HIP1: variants seen among roughly 807,000 people sequenced by gnomAD.
The protein encoded by HIP1 is huntingtin interacting protein 1.
A neutral mutation model predicts 147.6 loss-of-function variants in HIP1; 65 were observed. The ratio of observed to expected loss-of-function variants is 0.44; its 90% CI spans 0.36 to 0.54. HIP1 has a LOEUF of 0.54. HIP1 is among the 20% of genes least tolerant of loss of function. HIP1 has a pLI of 0.00. For missense variants in HIP1, 1,061 were observed against 1,299.6 expected (o/e 0.82, Z 2.82); for synonymous variants, 479 against 504.0 (o/e 0.95, Z 0.67).
At position 75,664,017 on chromosome 7, in the gene HIP1, CACATATATGTGTATATAT is replaced by C. The variant is rs1799424370; in HGVS notation, c.121-64788_121-64771del. Among the ~76,000 whole-genome samples the C allele has an allele frequency of 8.4e-5, 6 of 71,502 alleles. 2 individuals are homozygous for C. The highest frequency in any genetic ancestry group is 1.6e-4 in the Non-Finnish European group (6 of 37,116). 46.9% of individuals were successfully genotyped at this position (71,502 alleles called of 152,430 possible). A position where few individuals can be genotyped will look rare whatever the true frequency, so the allele number is the denominator to read the frequency against. ...ATACACATATATGTGTATATATATA[CACATATATGTGTATATAT>C]ATACACATATATGTGTATATACACA... is the stretch of plus-strand genomic sequence containing the variant. On this transcript the variant is annotated intron_variant, in intron 1 of 30. Transcript: ENST00000336926.
intron 1 of HIP1, among the ~76,000 whole-genome samples, chr7:75,713,420 G>T (rs1225197992): frequency 6.6e-6 from 1 of 152,162 alleles, no homozygotes; most frequent in African/African-American, 2.4e-5. Context: ...CTGCGACAGG[G>T]GGAGGCAGAC....
intron 1 of HIP1, among the ~76,000 whole-genome samples, chr7:75,632,532 C>T (rs996141003): frequency 2.6e-5 from 4 of 151,198 alleles, no homozygotes; most frequent in South Asian, 4.2e-4. Flanking sequence ...AGATTACAGG[C>T]GCACACCACC....
intron 1 of HIP1, among the ~76,000 whole-genome samples, chr7:75,636,350 C>CAA (rs587671233): frequency 1.7e-5 from 2 of 117,094 alleles, no homozygotes; most frequent in Non-Finnish European, 1.8e-5. Flanking sequence ...GACTCTGTCT[C>CAA]AAAAAAAAAA....
intron 16 of HIP1, 99 bp downstream of exon 16, chr7:75,557,555 G>A (rs1162962396): frequency 1.9e-5 from 16 of 851,780 alleles, no homozygotes; most frequent in African/African-American, 5.0e-5. Context: ...GATGCCAACC[G>A]ACCCACAGAA....
intron 1 of HIP1, among the ~76,000 whole-genome samples, chr7:75,655,839 G>T (rs868953216): frequency 3.9e-5 from 6 of 152,104 alleles, no homozygotes; most frequent in African/African-American, 1.4e-4. Flanking sequence ...ATGGTTACAG[G>T]TTGGGTGCAG....
At chr7:75,594,342 C>G (rs963893953) in intron 2 of HIP1, among the ~76,000 whole-genome samples, 12 of 151,880 alleles carry the variant, frequency 7.9e-5, no homozygotes, top group Non-Finnish European at 1.8e-4. Context: ...TTCCATAAAC[C>G]TGCCTGGCCC....
intron 1 of HIP1, among the ~76,000 whole-genome samples, chr7:75,710,915 A>G (rs182999175): frequency 2.0e-5 from 3 of 152,254 alleles, no homozygotes; most frequent in Admixed American, 6.5e-5. Flanking sequence ...TTATAAAAAA[A>G]CCCTCTAAAG....
chr7:75,668,122 T>C (rs1554514798), intron 1 of HIP1, among the ~76,000 whole-genome samples: 5 of 151,744 alleles, frequency 3.3e-5, no homozygotes, highest in Non-Finnish European at 7.4e-5. Flanking sequence ...TCGCAGCTAT[T>C]TGAAGCTTTC....
At chr7:75,644,349 C>T (rs1161419052) in intron 1 of HIP1, among the ~76,000 whole-genome samples, 1 of 152,178 alleles carries the variant, frequency 6.6e-6, no homozygotes, top group Non-Finnish European at 1.5e-5. Flanking sequence ...GGCTGGAGTG[C>T]AATGGCACAG....
chr7:75,557,580 G>A, intron 16 of HIP1, 74 bp downstream of exon 16: 1 of 1,080,710 alleles, frequency 9.3e-7, no homozygotes, highest in Non-Finnish European at 1.4e-6. Context: ...CCATGGAGCA[G>A]AAGGCCACAA....
At chr7:75,591,352 G>T (rs1796495110) in intron 4 of HIP1, among the ~76,000 whole-genome samples, 1 of 151,988 alleles carries the variant, frequency 6.6e-6, no homozygotes. Flanking sequence ...TCTTCAAAAT[G>T]CAGATTACCC....
intron 1 of HIP1, among the ~76,000 whole-genome samples, chr7:75,620,703 CAAAT>C (rs1209584170): frequency 2.0e-5 from 3 of 151,818 alleles, no homozygotes; most frequent in Non-Finnish European, 2.9e-5. Flanking sequence ...AACAAACAAA[CAAAT>C]AAATAAACAA....
rs1799939195 is a variant in HIP1 at position 75,677,589 on chromosome 7, T to G, written c.120+61212A>C. Among the ~76,000 whole-genome samples, 5 of 120,892 alleles carry G rather than the reference T, an allele frequency of 4.1e-5. No individual in the cohort carries two copies. The South Asian group carries it at 1.0e-3, about 25-fold the overall frequency. 79.3% of individuals were successfully genotyped at this position (120,892 alleles called of 152,430 possible). A position where few individuals can be genotyped will look rare whatever the true frequency, so the allele number is the denominator to read the frequency against. The stretch of plus-strand genomic sequence containing the variant: ...CACTGTGTTCCAGCCTGGGCAACAG[T>G]GCAAGACTCCATCTAAAAAAAAAAA... On this transcript the variant is annotated intron_variant, in intron 1 of 30. Coordinates refer to ENST00000336926, the MANE Select transcript of HIP1 (RefSeq NM_005338.7).
intron 1 of HIP1, among the ~76,000 whole-genome samples, chr7:75,635,149 T>C (rs1554509473): frequency 6.6e-6 from 1 of 152,120 alleles, no homozygotes; most frequent in Admixed American, 6.6e-5. Context: ...ATCTGCACTT[T>C]ATCCCTGAGT....
chr7:75,605,068 A>G (rs1361566378), intron 1 of HIP1, among the ~76,000 whole-genome samples: 4 of 152,136 alleles, frequency 2.6e-5, no homozygotes, highest in Admixed American at 2.0e-4. Context: ...GAAAGGAGGG[A>G]TAACTCGGCC....
At chr7:75,684,983 C>T (rs1208233166) in intron 1 of HIP1, among the ~76,000 whole-genome samples, 1 of 151,580 alleles carries the variant, frequency 6.6e-6, no homozygotes, top group Non-Finnish European at 1.5e-5. Flanking sequence ...CCCAGCTACT[C>T]GGGAGGCTGA....
Position 75,677,433 on chromosome 7 carries a change from C to T in HIP1, c.120+61368G>A, listed in dbSNP as rs1473604109. 4.7e-5 allele frequency among the ~76,000 whole-genome samples: 7 copies of T among 149,822 alleles called. No individual in the cohort carries two copies. In the South Asian group the frequency reaches 1.1e-3, roughly 23 times the overall value. On this transcript the variant is annotated intron_variant, in intron 1 of 30. Transcript: ENST00000336926. ...CCACCTGGCCAACATGGTGAAACCC[C>T]GTCTCTGCTTGAAAATACAAAAATT...
At chr7:75,702,445 C>T (rs889986612) in intron 1 of HIP1, among the ~76,000 whole-genome samples, 3 of 151,938 alleles carry the variant, frequency 2.0e-5, no homozygotes, top group East Asian at 1.9e-4. Flanking sequence ...GGTTTCACCA[C>T]GTTGGCCAGG....
chr7:75,541,313 G>A (rs1009003127), intron 29 of HIP1, among the ~76,000 whole-genome samples: 4 of 152,016 alleles, frequency 2.6e-5, no homozygotes, highest in African/African-American at 9.7e-5. Flanking sequence ...GGCAGATCAC[G>A]AGGTCAGGAG....
Sources: allele counts gnomAD v4.1 joint callset (sites outside exome capture counted in the v4.1 genomes callset), GRCh38; gene constraint gnomAD v4.1.1; transcripts MANE v1.5; gene names NCBI Gene and HGNC (gene_info 2026-07-23, HGNC 2026-07-21).